The following STRA6 variants were observed in gnomAD, a reference collection of about 807,000 sequenced individuals.
STRA6 encodes the protein receptor for retinol uptake STRA6.
In STRA6, 48 loss-of-function variants were observed where a neutral mutation model predicts 83.6. That is an observed-to-expected ratio of 0.57 (90% confidence interval 0.46 to 0.73). The LOEUF (loss-of-function observed/expected upper bound fraction) is 0.73, where lower values mean the gene tolerates loss of function less well. Ranked by LOEUF, STRA6 falls within the 30% of genes least tolerant of loss-of-function variation. The probability of loss-of-function intolerance (pLI) is 0.00; values close to 1 mark genes in which losing one functional copy is unlikely to be tolerated. For missense variants in STRA6, 760 were observed against 838.8 expected (o/e 0.91, Z 1.16); for synonymous variants, 353 against 362.3 (o/e 0.97, Z 0.29).
intron 8 of STRA6, among the ~76,000 whole-genome samples, chr15:74,192,278 G>A (rs2073584705): frequency 6.6e-6 from 1 of 152,208 alleles, no homozygotes; most frequent in Admixed American, 6.5e-5. Flanking sequence ...GCATGCCTCA[G>A]GCACTGTGTC....
intron 13 of STRA6, 69 bp downstream of exon 13, chr15:74,184,911 C>T (rs1372711659): frequency 6.6e-7 from 1 of 1,514,564 alleles, no homozygotes; most frequent in Non-Finnish European, 9.1e-7. Flanking sequence ...CCAGGGCCTC[C>T]CCGCAGGCCC....
upstream of STRA6, among the ~76,000 whole-genome samples, chr15:74,204,896 C>T (rs2074224669): frequency 2.0e-5 from 3 of 151,986 alleles, no homozygotes; most frequent in South Asian, 6.2e-4. Context: ...GATCGTGCCA[C>T]TGCACTCCAG....
chr15:74,204,698 C>G (rs1044038148), upstream of STRA6, among the ~76,000 whole-genome samples: 1 of 152,132 alleles, frequency 6.6e-6, no homozygotes, highest in African/African-American at 2.4e-5. Context: ...TTTGGGAGGC[C>G]GAGGCAGGTG....
chr15:74,211,256 C>T (rs1404695881), upstream of STRA6, among the ~76,000 whole-genome samples: 1 of 152,064 alleles, frequency 6.6e-6, no homozygotes, highest in East Asian at 1.9e-4. Flanking sequence ...TGGGAGACTC[C>T]TTCTGGGATT....
chr15:74,207,917 GGAAGAGTATGGGT>G, intron 1 of STRA6: 1 of 1,478,498 alleles, frequency 6.8e-7, no homozygotes, highest in Non-Finnish European at 9.0e-7. Context: ...GCTCACGGCA[GGAAGAGTATGGGT>G]GACTCTCCAC....
chr15:74,197,862 C>A (rs776369496), intron 2 of STRA6, 44 bp from the exon 3 acceptor site: 2 of 1,601,170 alleles, frequency 1.2e-6, no homozygotes, highest in Non-Finnish European at 8.5e-7. Context: ...GTCAGGCCCC[C>A]CTGGGTGTGC....
rs779538114 is a variant in STRA6 at position 74,189,260 on chromosome 15, C to T, written c.945G>A (p.Leu315=). The change falls in exon 12 of 19, where the codon CTG becomes CTA. Residue 315 remains leucine, a synonymous_variant. Coordinates refer to ENST00000395105, the MANE Select transcript of STRA6 (RefSeq NM_022369.4). ...TCTGGATAGTGGGTACCACGCCCACCAGCAGCAGCAGGGCCACCTGGAAGA... is the reference window on the plus strand; with the variant it reads ...TCTGGATAGTGGGTACCACGCCCACTAGCAGCAGCAGGGCCACCTGGAAGA... ...TAIYQVALLL[L]VGVVPTIQKV... The T allele has an allele frequency of 1.2e-4, 196 of 1,599,126 alleles. 2 individuals are homozygous for T. In the East Asian group the frequency reaches 4.3e-3, roughly 35 times the overall value.
In STRA6 at chr15:74,188,959, C is replaced by CT. The variant is rs2073392302; in HGVS notation, c.1090+155dup. On this transcript the variant is annotated intron_variant, in intron 12 of 18. Transcript: ENST00000395105. This position sits in a 1 kb window ranked among gnomAD's most constrained non-coding sequence, Gnocchi z 4.5. Reference sequence around the variant, plus strand: ...GGAAGCTCAGAACTGGAAGCGCCAACTGCCACAATTTGGAGATGAGGCAAT... The same window carrying CT: ...GGAAGCTCAGAACTGGAAGCGCCAACTTGCCACAATTTGGAGATGAGGCAAT... Among the ~76,000 whole-genome samples, 1 of 152,208 alleles carries CT rather than the reference C, an allele frequency of 6.6e-6. No homozygotes were observed. The highest frequency in any genetic ancestry group is 2.4e-5 in the African/African-American group (1 of 41,450).
chr15:74,197,508 G>T, intron 3 of STRA6, 85 bp from the exon 4 acceptor site: 2 of 1,236,932 alleles, frequency 1.6e-6, no homozygotes, highest in Non-Finnish European at 1.2e-6. Flanking sequence ...CAGGCCCCAG[G>T]ATATCCCCTA....
At chr15:74,193,202 A>C (rs557934239) in intron 8 of STRA6, among the ~76,000 whole-genome samples, 48 of 152,276 alleles carry the variant, frequency 3.2e-4, no homozygotes, top group Admixed American at 7.8e-4. Context: ...CAGTGCTGCA[A>C]ATATAATGAA....
chr15:74,199,058 G>A (rs2073943728), intron 2 of STRA6, among the ~76,000 whole-genome samples: 1 of 152,212 alleles, frequency 6.6e-6, no homozygotes, highest in Admixed American at 6.5e-5. Context: ...GAGGGAGGGT[G>A]GCAGCATGGG....
At chr15:74,198,088 C>T (rs1017313316) in intron 2 of STRA6, among the ~76,000 whole-genome samples, 18 of 151,828 alleles carry the variant, frequency 1.2e-4, no homozygotes, top group Admixed American at 2.0e-4. Flanking sequence ...TAGACCGGCT[C>T]GGCCTGATCA....
intron 2 of STRA6, among the ~76,000 whole-genome samples, chr15:74,198,306 T>C (rs1316192872): frequency 2.0e-5 from 3 of 151,964 alleles, no homozygotes; most frequent in African/African-American, 7.2e-5. Flanking sequence ...AGACAGGGCC[T>C]CACCATGTCG....
Position 74,195,374 on chromosome 15 carries a change from G to A in STRA6, c.525C>T (p.Leu175=), listed in dbSNP as rs563498564. ...ATAGHTAAHL[L]GSTLSWAHLG... is the part of the protein sequence containing the mutation. ...GGTGGGCCCAGGACAGCGTGCTGCCGAGCAGGTGTGCAGCTGTGTGGCCAG... is the reference window on the plus strand; with the variant it reads ...GGTGGGCCCAGGACAGCGTGCTGCCAAGCAGGTGTGCAGCTGTGTGGCCAG... Residue 175 remains leucine (L), a synonymous_variant, in exon 7 of 19, where the codon CTC becomes CTT. Transcript: ENST00000395105. The A allele has an allele frequency of 7.4e-6, 12 of 1,613,566 alleles. No individual in the cohort carries two copies. The East Asian group carries it at 1.6e-4, about 21-fold the overall frequency.
chr15:74,194,909 AC>A, intron 7 of STRA6: 1 of 1,421,394 alleles, frequency 7.0e-7, no homozygotes, highest in Non-Finnish European at 9.1e-7. Context: ...GCCCTCTTAG[AC>A]CATCCCTGAC....
At chr15:74,197,583 G>T (rs1005502219) in intron 3 of STRA6, 160 bp from the exon 4 acceptor site, 18 of 1,112,116 alleles carry the variant, frequency 1.6e-5, no homozygotes, top group African/African-American at 1.1e-4. Context: ...CATCTGGAAG[G>T]TTGGACTTGC....
At chr15:74,193,571 A>G (rs998361075) in intron 8 of STRA6, among the ~76,000 whole-genome samples, 3 of 152,100 alleles carry the variant, frequency 2.0e-5, no homozygotes, top group African/African-American at 7.2e-5. Context: ...TTAAGTCCCT[A>G]CTATTCACAC....
intron 18 of STRA6, among the ~76,000 whole-genome samples, 156 bp downstream of exon 18, chr15:74,180,626 C>T (rs567126389): frequency 1.8e-4 from 28 of 152,284 alleles, no homozygotes; most frequent in African/African-American, 6.0e-4. Flanking sequence ...AAAAATCACC[C>T]TGAGATCAGA....
Position 74,197,362 on chromosome 15 carries a change from A to G in STRA6, c.242T>C (p.Val81Ala), listed in dbSNP as rs1177030619. 1 of 1,550,310 alleles carries G rather than the reference A, an allele frequency of 6.5e-7. No homozygotes were observed. The highest frequency in any genetic ancestry group is 2.0e-5 in the Admixed American group (1 of 51,004). ...CCTGGGCAGGCCGGGCCTGCCACGC[A>G]CACAGTCAGGCCAGAGCTGGCGGCG... ...VRRRQLWPDC[V>A]RGRPGLPSPV... The change falls in exon 4 of 19, where the codon GTG (valine) becomes GCG (alanine). Residue 81 changes from valine (V) to alanine (A), a missense_variant. Transcript: ENST00000395105.
Sources: gnomAD v4.1 joint callset for allele counts (sites outside exome capture counted in the v4.1 genomes callset) on GRCh38, gnomAD v4.1.1 for gene constraint, Gnocchi (gnomAD v3.1) non-coding constraint, MANE v1.5 for transcripts, NCBI Gene and HGNC (gene_info 2026-07-23, HGNC 2026-07-21) for gene names.